Variants in BHLHE40 observed in about 807,000 individuals in gnomAD.
BHLHE40 encodes class E basic helix-loop-helix protein 40.
A neutral mutation model predicts 35.7 loss-of-function variants in BHLHE40; 3 were observed. The ratio of observed to expected loss-of-function variants is 0.08; its 90% CI spans 0.04 to 0.22. The LOEUF (loss-of-function observed/expected upper bound fraction) is 0.22, where lower values mean the gene tolerates loss of function less well. BHLHE40 is among the 10% of genes least tolerant of loss of function. The pLI is 1.00. For missense variants in BHLHE40, 486 were observed against 524.0 expected, an observed-to-expected ratio of 0.93 and a Z score of 0.71; for synonymous variants, 236 against 213.0, an observed-to-expected ratio of 1.11 and a Z score of -0.94.
chr3:4,980,060 C>G (rs1411256629), intron 2 of BHLHE40, 29 bp downstream of exon 2: 1 of 1,609,170 alleles, frequency 6.2e-7, no homozygotes, highest in East Asian at 2.2e-5. Flanking sequence ...AGGGACCCTG[C>G]GCTCAGCCCC....
In BHLHE40 at chr3:4,983,624, G is replaced by A. The variant is rs201120771; in HGVS notation, c.1171G>A (p.Val391Ile). The change falls in exon 5 of 5, where the codon GTC becomes ATC. Residue 391 changes from valine (V) to isoleucine (I), a missense_variant. Around this residue, in one of 5 missense-constraint regions of BHLHE40, gnomAD observed 206 missense variants for 208.9 expected, o/e 0.99. Coordinates refer to ENST00000256495, the MANE Select transcript of BHLHE40 (RefSeq NM_003670.3). This position sits in a 1 kb window ranked among gnomAD's most constrained non-coding sequence, Gnocchi z 5.0. ...LPSPLPAHPS[V>I]DSSVLLQALK... is the part of the protein sequence containing the mutation. ...TTCTCCCTTGCCAGCTCATCCGTCC[G>A]TCGACTCTTCTGTCTTGCTCCAAGC... The A allele has an allele frequency of 2.4e-5, 39 of 1,614,044 alleles. No homozygotes were observed. The East Asian group carries it at 2.7e-4, about 11-fold the overall frequency.
rs906318235 is a variant in BHLHE40, at chr3:4,979,730, C to T, written c.12C>T (p.Ile4=). 6.4e-7 allele frequency: 1 copy of T among 1,565,432 alleles called. No homozygotes were observed. Among genetic ancestry groups the T allele is most frequent in the Non-Finnish European group, 8.7e-7 (1 of 1,155,198 alleles). MER[I]PSAQPPPACL... is the part of the protein sequence containing the mutation. ...CGGCTCGCCGCGCCATGGAGCGGAT[C>T]CCCAGCGCGCAACCACCCCCCGCCT... The change falls in exon 1 of 5, where the codon ATC becomes ATT. Residue 4 remains isoleucine (I), a synonymous_variant. Coordinates refer to ENST00000256495, the MANE Select transcript of BHLHE40 (RefSeq NM_003670.3).
In BHLHE40 at chr3:4,983,325, G is replaced by A. The variant is rs772064940; in HGVS notation, c.872G>A (p.Arg291Gln). Residue 291 changes from arginine (R) to glutamine (Q), a missense_variant, in exon 5 of 5, where the codon CGG becomes CAG. Physicochemically the swap from Arg to Gln is conservative, Grantham distance 43 (BLOSUM62 1). This residue lies in a region of BHLHE40 where 206 missense variants were observed against 208.9 expected (regional missense o/e 0.99). Coordinates refer to ENST00000256495, the MANE Select transcript of BHLHE40 (RefSeq NM_003670.3). This position sits in a 1 kb window ranked among gnomAD's most constrained non-coding sequence, Gnocchi z 5.0. ...ESEEPPTKKN[R>Q]MQLSDDEGHF... ...GAAGAACCCCCCACAAAAAAGAACC[G>A]GATGCAGCTTTCGGATGATGAAGGC... The A allele has an allele frequency of 1.4e-5, 23 of 1,614,036 alleles. No individual in the cohort carries two copies. Among genetic ancestry groups the A allele is most frequent in the Non-Finnish European group, 1.7e-5 (20 of 1,180,032 alleles).
Position 4,981,375 on chromosome 3 carries a change from G to T in BHLHE40, c.259-17G>T. 1.2e-6 allele frequency: 2 copies of T among 1,612,802 alleles called. No individual in the cohort carries two copies. The highest frequency in any genetic ancestry group is 1.7e-6 in the Non-Finnish European group (2 of 1,179,468). Reference sequence around the variant, plus strand: ...CTTCTCTGACCTCACCGCTGACTAAGGCTCTTTTCCTTCCAGACTTTGGGT... The same window carrying T: ...CTTCTCTGACCTCACCGCTGACTAATGCTCTTTTCCTTCCAGACTTTGGGT... On this transcript the variant is annotated splice_polypyrimidine_tract_variant and intron_variant, in intron 3 of 4. Coordinates refer to ENST00000256495, the MANE Select transcript of BHLHE40 (RefSeq NM_003670.3).
In BHLHE40 at chr3:4,979,475, G is replaced by A. The variant is rs2053168392; in HGVS notation, c.-244G>A. On this transcript the variant is annotated 5_prime_UTR_variant, in exon 1 of 5. Transcript: ENST00000256495. Reference sequence around the variant, plus strand: ...GCACGGCGCAGACAGACCGCGCAGGGAGCACACACCGCCAGTCTGTGCGCT... The same window carrying A: ...GCACGGCGCAGACAGACCGCGCAGGAAGCACACACCGCCAGTCTGTGCGCT... The A allele has an allele frequency of 3.7e-6, 2 of 547,758 alleles. No homozygotes were observed. Among genetic ancestry groups the A allele is most frequent in the Non-Finnish European group, 3.2e-6 (1 of 307,848 alleles). 33.9% of individuals were successfully genotyped at this position (547,758 alleles called of 1,614,324 possible).
chr3:4,982,946 G>A lies in BHLHE40; in HGVS notation c.493G>A (p.Asp165Asn). The A allele has an allele frequency of 6.2e-7, 1 of 1,613,988 alleles. No homozygotes were observed. The highest frequency in any genetic ancestry group is 1.1e-5 in the South Asian group (1 of 91,062). ...TCTGGCCAAGCACGAGAACACTCGGGACCTGAAGTCTTCGCAGCTTGTCAC... is the reference window on the plus strand; with the variant it reads ...TCTGGCCAAGCACGAGAACACTCGGAACCTGAAGTCTTCGCAGCTTGTCAC... ...QYLAKHENTR[D>N]LKSSQLVTHL... The change falls in exon 5 of 5, where the codon GAC becomes AAC. Residue 165 changes from aspartate to asparagine, a missense_variant. Asp to Asn is a conservative substitution (Grantham distance 23). This residue lies in a region of BHLHE40 where 176 missense variants were observed against 180.5 expected (regional missense o/e 0.98). Transcript: ENST00000256495.
Position 4,979,988 on chromosome 3 carries a change from T to G in BHLHE40, c.107T>G (p.Val36Gly), listed in dbSNP as rs1443804408. 16 of 1,613,932 alleles carry G rather than the reference T, an allele frequency of 9.9e-6. No homozygotes were observed. Among genetic ancestry groups the G allele is most frequent in the African/African-American group, 2.7e-5 (2 of 74,862 alleles). The change falls in exon 2 of 5, where the codon GTG becomes GGG. Residue 36 changes from valine to glycine, a missense_variant. Transcript: ENST00000256495. ...ATGTACCCTGCCCACATGTACCAAG[T>G]GTACAAGTCAAGACGGGGAATAAAG... ...PGMYPAHMYQVYKSRRGIKRS... is the reference protein window; with the variant it reads ...PGMYPAHMYQGYKSRRGIKRS...
chr3:4,979,903 C>T, intron 1 of BHLHE40, 59 bp from the exon 2 acceptor site: 1 of 1,609,150 alleles, frequency 6.2e-7, no homozygotes, highest in Non-Finnish European at 8.5e-7. Context: ...TCTTGCCCGG[C>T]AGAACGCCTG....
rs150986662 is a variant in BHLHE40 at position 4,983,215 on chromosome 3, G to C, written c.762G>C (p.Leu254Phe). The C allele has an allele frequency of 7.7e-5, 125 of 1,614,100 alleles. No homozygotes were observed. The African/African-American group carries it at 1.5e-3, about 19-fold the overall frequency. Residue 254 changes from leucine (L) to phenylalanine (F), a missense_variant, in exon 5 of 5, where the codon TTG (leucine) becomes TTC (phenylalanine). By Grantham distance (22) the Leu-to-Phe change is conservative (BLOSUM62 0). Coordinates refer to ENST00000256495, the MANE Select transcript of BHLHE40 (RefSeq NM_003670.3). The surrounding 1 kb of genome is among the most constrained non-coding windows in gnomAD (Gnocchi z 5.0). ...GAGGAGAATCGGAGAAGGGCGACTT[G>C]CGCAGTGAGCAGCCGTGCTTCAAAA... ...GYGGESEKGD[L>F]RSEQPCFKSD...
rs765126351 is a variant in BHLHE40, at chr3:4,979,884, C to T, written c.81-78C>T. The stretch of plus-strand genomic sequence containing the variant: ...TCAACTTGGAGCAGCTCCGGGCGCA[C>T]CGGGAGGTTCTTGCCCGGCAGAACG... On this transcript the variant is annotated intron_variant, in intron 1 of 4. Transcript: ENST00000256495. The T allele has an allele frequency of 4.4e-6, 7 of 1,607,984 alleles. No homozygotes were observed. In the South Asian group the frequency reaches 7.7e-5, roughly 18 times the overall value.
intron 3 of BHLHE40, among the ~76,000 whole-genome samples, chr3:4,980,715 AAC>A (rs887378848): frequency 9.9e-5 from 15 of 152,132 alleles, no homozygotes; most frequent in Admixed American, 8.5e-4. Context: ...CACGCCAAGA[AAC>A]ACACACATTT....
rs1482934965 is a variant in BHLHE40, at chr3:4,984,427, G to C, written c.*735G>C. 1 of 152,410 alleles carries C rather than the reference G, an allele frequency of 6.6e-6. No homozygotes were observed. Among genetic ancestry groups the C allele is most frequent in the Non-Finnish European group, 1.5e-5 (1 of 68,232 alleles). 9.4% of individuals were successfully genotyped at this position (152,410 alleles called of 1,614,324 possible). On this transcript the variant is annotated 3_prime_UTR_variant, in exon 5 of 5. Coordinates refer to ENST00000256495, the MANE Select transcript of BHLHE40 (RefSeq NM_003670.3). ...CAAGCTGAGCTGCCCCGGAGGGAGG[G>C]AGGAGTTCCCTGGGCTTCTGGCACC...
In BHLHE40 at chr3:4,979,963, A is replaced by G; in HGVS notation, c.82A>G (p.Met28Val). Residue 28 changes from methionine to valine, a missense_variant and splice_region_variant, in exon 2 of 5, where the codon ATG (methionine) becomes GTG (valine). Around this residue, in one of 5 missense-constraint regions of BHLHE40, gnomAD observed 87 missense variants for 66.7 expected, o/e 1.30. Coordinates refer to ENST00000256495, the MANE Select transcript of BHLHE40 (RefSeq NM_003670.3). ...CCTTCCTGGTCTCTCTTCCTGCAGGATGTACCCTGCCCACATGTACCAAGT... is the reference window on the plus strand; with the variant it reads ...CCTTCCTGGTCTCTCTTCCTGCAGGGTGTACCCTGCCCACATGTACCAAGT... ...PGLEHGDLPGMYPAHMYQVYK... is the reference protein window; with the variant it reads ...PGLEHGDLPGVYPAHMYQVYK... 6.2e-7 allele frequency: 1 copy of G among 1,614,066 alleles called. No homozygotes were observed. Among genetic ancestry groups the G allele is most frequent in the East Asian group, 2.2e-5 (1 of 44,872 alleles).
rs932919539 is a variant in BHLHE40, at chr3:4,981,439, G to A, written c.306G>A (p.Lys102=). 10 of 1,613,904 alleles carry A rather than the reference G, an allele frequency of 6.2e-6. No homozygotes were observed. Among genetic ancestry groups the A allele is most frequent in the Non-Finnish European group, 8.5e-6 (10 of 1,179,998 alleles). Residue 102 remains lysine (K), a synonymous_variant, in exon 4 of 5, where the codon AAG becomes AAA. Transcript: ENST00000256495. ...EKAVVLELTL[K]HVKALTNLID... is the part of the protein sequence containing the mutation. Reference sequence around the variant, plus strand: ...CAGTGGTTCTTGAACTTACCTTGAAGCATGTGAAAGCACTAACAAACCTAA... The same window carrying A: ...CAGTGGTTCTTGAACTTACCTTGAAACATGTGAAAGCACTAACAAACCTAA...
intron 2 of BHLHE40, 61 bp downstream of exon 2, chr3:4,980,092 G>C: frequency 6.3e-7 from 1 of 1,580,668 alleles, no homozygotes; most frequent in Non-Finnish European, 8.7e-7. Flanking sequence ...GAGTTTCCAA[G>C]AAAAGTTTTC....
rs949223935 is a variant in BHLHE40 at position 4,985,241 on chromosome 3, CCTT to C, written c.*1553_*1555del. 2.6e-5 allele frequency: 4 copies of C among 152,494 alleles called. No individual in the cohort carries two copies. The highest frequency in any genetic ancestry group is 6.5e-5 in the Admixed American group (1 of 15,296). 9.4% of individuals were successfully genotyped at this position (152,494 alleles called of 1,614,324 possible). A position where few individuals can be genotyped will look rare whatever the true frequency, so the allele number is the denominator to read the frequency against. Reference sequence around the variant, plus strand: ...GGTGTGATATGGCTGACTCCCATGTCCTTCTTTCTTGGCTGAAGCAAACCAGTT... The same window carrying C: ...GGTGTGATATGGCTGACTCCCATGTCCTTTCTTGGCTGAAGCAAACCAGTT... On this transcript the variant is annotated 3_prime_UTR_variant, in exon 5 of 5. Transcript: ENST00000256495.
rs747366505 is a variant in BHLHE40, at chr3:4,983,139, A to G, written c.686A>G (p.His229Arg). The G allele has an allele frequency of 1.2e-6, 2 of 1,614,068 alleles. No individual in the cohort carries two copies. Among genetic ancestry groups the G allele is most frequent in the Non-Finnish European group, 1.7e-6 (2 of 1,179,964 alleles). ...CVPVIQRTFA[H>R]SSGEQSGSDT... ...CCAGTCATCCAGCGGACTTTCGCTC[A>G]CTCGAGTGGGGAGCAGAGCGGCAGC... Residue 229 changes from histidine to arginine, a missense_variant, in exon 5 of 5, where the codon CAC becomes CGC. By Grantham distance (29) the His-to-Arg change is conservative (BLOSUM62 0). Transcript: ENST00000256495. This position sits in a 1 kb window ranked among gnomAD's most constrained non-coding sequence, Gnocchi z 5.0.
Position 4,980,420 on chromosome 3 carries a change from G to A in BHLHE40, c.258+12G>A. On this transcript the variant is annotated intron_variant, in intron 3 of 4. Transcript: ENST00000256495. ...ATCTCAAACTTACAGTAAGTGAGAA[G>A]CTGGCCCCTTTCCAACCCAGTCCTT... 1 of 1,610,212 alleles carries A rather than the reference G, an allele frequency of 6.2e-7. No individual in the cohort carries two copies.
At chr3:4,980,128 C>A (rs2053178527) in intron 2 of BHLHE40, 97 bp downstream of exon 2, 2 of 1,352,422 alleles carry the variant, frequency 1.5e-6, no homozygotes, top group Non-Finnish European at 2.1e-6. Flanking sequence ...CGAGGGGATG[C>A]AGGGTGTGGG....
Sources: gnomAD v4.1 joint callset for allele counts (sites outside exome capture counted in the v4.1 genomes callset) on GRCh38, gnomAD v4.1.1 for gene constraint, gnomAD v4.1.1 regional missense constraint, Gnocchi (gnomAD v3.1) non-coding constraint, MANE v1.5 for transcripts, NCBI Gene and HGNC (gene_info 2026-07-23, HGNC 2026-07-21) for gene names.